The following AAK1 variants were observed in gnomAD, a reference collection of about 807,000 sequenced individuals.
AAK1 encodes the protein AP2 associated kinase 1, also known as AP2-associated protein kinase 1.
A neutral mutation model predicts 116.0 loss-of-function variants in AAK1; 37 were observed. The observed-to-expected ratio is 0.32, with a 90% CI of 0.25 to 0.42. The LOEUF (loss-of-function observed/expected upper bound fraction) is 0.42. Among genes scored for constraint, AAK1 ranks in the 10% least tolerant of loss-of-function variants. The pLI is 1.00. For synonymous variants in AAK1, 458 were observed against 439.9 expected (o/e 1.04, Z -0.51); for missense variants, 919 against 1,170.6 (o/e 0.79, Z 3.14).
rs1676308245 is a variant in AAK1 at position 69,509,452 on chromosome 2, G to A, written c.1785C>T (p.Ala595=). 4 of 1,613,356 alleles carry A rather than the reference G, an allele frequency of 2.5e-6. No individual in the cohort carries two copies. In the East Asian group the frequency reaches 8.9e-5, roughly 36 times the overall value. ...GAACCTTTGGCTGTTGTCTTACTGG[G>A]GCTTGAATCTGCTAGGAAGAGAGAC... ...PAPAQEPAIQ[A]PVRQQPKVQT... Residue 595 remains alanine (A), a synonymous_variant, in exon 14 of 22, where the codon GCC becomes GCT. Transcript: ENST00000409085.
chr2:69,555,975 A>AT (rs1232906077), intron 3 of AAK1, among the ~76,000 whole-genome samples: 1 of 152,078 alleles, frequency 6.6e-6, no homozygotes, highest in Non-Finnish European at 1.5e-5. Context: ...GACCAATCTT[A>AT]TTTATCTTCT....
intron 13 of AAK1, among the ~76,000 whole-genome samples, chr2:69,512,181 A>G (rs912319409): frequency 6.6e-5 from 10 of 152,222 alleles, no homozygotes; most frequent in Non-Finnish European, 1.5e-4. Flanking sequence ...AAAAAGACTC[A>G]GATGTCTATT....
intron 16 of AAK1, among the ~76,000 whole-genome samples, chr2:69,502,350 G>A (rs1181915263): frequency 2.0e-5 from 3 of 151,298 alleles, no homozygotes; most frequent in Non-Finnish European, 4.4e-5. Context: ...GGCTGGGTGC[G>A]GTGGCTCACG....
intron 18 of AAK1, chr2:69,482,438 C>T (rs2104897562): frequency 3.4e-6 from 2 of 591,618 alleles, no homozygotes; most frequent in South Asian, 2.3e-5. Context: ...TTTTAAAGTT[C>T]TTCTAACTAA....
Position 69,465,885 on chromosome 2 carries a change from G to A in AAK1, c.*9984C>T, listed in dbSNP as rs754413422. 7.7e-7 allele frequency: 1 copy of A among 1,290,852 alleles called. No homozygotes were observed. Among genetic ancestry groups the A allele is most frequent in the East Asian group, 5.6e-5 (1 of 18,002 alleles). The allele number at this position is 1,290,852 out of a possible 1,614,324, so 80.0% of individuals were successfully genotyped here. A position where few individuals can be genotyped will look rare whatever the true frequency, so the allele number is the denominator to read the frequency against. ...AGCTCTCTCACGGCCCGCGGGCAGGGGGACATCACCTGTCTGACTGAGGAG... is the reference window on the plus strand; with the variant it reads ...AGCTCTCTCACGGCCCGCGGGCAGGAGGACATCACCTGTCTGACTGAGGAG... On this transcript the variant is annotated 3_prime_UTR_variant, in exon 22 of 22. Transcript: ENST00000409085.
intron 17 of AAK1, among the ~76,000 whole-genome samples, chr2:69,494,595 GAGGAAAAGACA>G (rs1558908224): frequency 6.6e-6 from 1 of 152,138 alleles, no homozygotes; most frequent in African/African-American, 2.4e-5. Flanking sequence ...CCAAAACAGG[GAGGAAAAGACA>G]GTGAGCCCCA....
At position 69,623,144 on chromosome 2, in the gene AAK1, G is replaced by A. The variant is rs533059797; in HGVS notation, c.163+19734C>T. On this transcript the variant is annotated intron_variant, in intron 2 of 21. Transcript: ENST00000409085. The stretch of plus-strand genomic sequence containing the variant: ...GCTGTAACACTCACCGCAAAGGTCT[G>A]CAGCTTCACTCCTGAGCTAGCGAGA... Among the ~76,000 whole-genome samples the A allele has an allele frequency of 2.0e-5, 3 of 152,232 alleles. No individual in the cohort carries two copies. The East Asian group carries it at 5.8e-4, about 29-fold the overall frequency.
At chr2:69,489,637 T>C (rs1346306198) in intron 17 of AAK1, among the ~76,000 whole-genome samples, 1 of 152,162 alleles carries the variant, frequency 6.6e-6, no homozygotes, top group African/African-American at 2.4e-5. Flanking sequence ...TCCAGCCTTG[T>C]GGCTTTGGAA....
chr2:69,590,657 T>G (rs973754063), intron 2 of AAK1, among the ~76,000 whole-genome samples: 10 of 152,250 alleles, frequency 6.6e-5, no homozygotes, highest in African/African-American at 2.2e-4. Flanking sequence ...ATTTGCACAA[T>G]TTCTCTAGTT....
chr2:69,550,339 T>C (rs1025314476), intron 3 of AAK1, among the ~76,000 whole-genome samples: 9 of 152,166 alleles, frequency 5.9e-5, no homozygotes, highest in African/African-American at 2.2e-4. Context: ...GGTATTTTGC[T>C]CTGTCACCAG....
chr2:69,549,569 C>T (rs995374844), intron 3 of AAK1, among the ~76,000 whole-genome samples: 6 of 152,150 alleles, frequency 3.9e-5, no homozygotes, highest in Admixed American at 1.3e-4. Context: ...TGAAATACTC[C>T]AGGCTTGGTC....
At chr2:69,588,410 C>T (rs149717208) in intron 2 of AAK1, among the ~76,000 whole-genome samples, 33 of 152,326 alleles carry the variant, frequency 2.2e-4, no homozygotes, top group Non-Finnish European at 8.8e-5. Flanking sequence ...GTATTTGTCA[C>T]GGACATCAGT....
chr2:69,487,787 CTTTTTTTTTTT>C (rs1177565486), intron 17 of AAK1, among the ~76,000 whole-genome samples: 1 of 122,802 alleles, frequency 8.1e-6, no homozygotes, highest in Non-Finnish European at 1.8e-5. Context: ...TGTTTGTTTG[CTTTTTTTTTTT>C]TTTTTTTTGA....
intron 18 of AAK1, chr2:69,482,436 T>G: frequency 1.7e-6 from 1 of 599,168 alleles, no homozygotes; most frequent in South Asian, 2.2e-5. Flanking sequence ...TTTTTTAAAG[T>G]TCTTCTAACT....
chr2:69,476,971 GAGATTACTATCTTCTGCAGCTT>G lies in AAK1; in HGVS notation c.2681-3_2699del. ...CCTCAGGGACATCAAAACCTGAGAT[GAGATTACTATCTTCTGCAGCTT>G]AATACAGAATGCAAGTACACAAGCA... is the stretch of plus-strand genomic sequence containing the variant. On this transcript the variant is annotated splice_acceptor_variant and splice_polypyrimidine_tract_variant and coding_sequence_variant and intron_variant, in exon 21 of 22. Transcript: ENST00000409085. LOFTEE classifies it high-confidence loss of function. The G allele has an allele frequency of 6.2e-7, 1 of 1,612,306 alleles. No homozygotes were observed.
At chr2:69,508,710 G>A (rs928112163) in intron 14 of AAK1, among the ~76,000 whole-genome samples, 1 of 152,228 alleles carries the variant, frequency 6.6e-6, no homozygotes, top group African/African-American at 2.4e-5. Flanking sequence ...CATGGATCTT[G>A]ATGAATAAAT....
At chr2:69,505,054 C>T (rs1676126182) in intron 16 of AAK1, among the ~76,000 whole-genome samples, 1 of 152,014 alleles carries the variant, frequency 6.6e-6, no homozygotes, top group Non-Finnish European at 1.5e-5. Flanking sequence ...TTAAAAAAAC[C>T]TCCCTCCTTT....
At chr2:69,585,297 A>G (rs1672717674) in intron 2 of AAK1, among the ~76,000 whole-genome samples, 1 of 152,172 alleles carries the variant, frequency 6.6e-6, no homozygotes, top group African/African-American at 2.4e-5. Flanking sequence ...CCTGGCTTCA[A>G]GCAATCCTCC....
At position 69,472,554 on chromosome 2, in the gene AAK1, T is replaced by C. The variant is rs1367204659; in HGVS notation, c.*3315A>G. 1.1e-6 allele frequency: 1 copy of C among 909,264 alleles called. No homozygotes were observed. The highest frequency in any genetic ancestry group is 1.3e-6 in the Non-Finnish European group (1 of 760,682). The allele number at this position is 909,264 out of a possible 1,614,324, so 56.3% of individuals were successfully genotyped here. On this transcript the variant is annotated 3_prime_UTR_variant, in exon 22 of 22. Transcript: ENST00000409085. ...TCTGATATGTCTGCTAAAGAAATCATTAATTATAATAATTATAATCATACT... is the reference window on the plus strand; with the variant it reads ...TCTGATATGTCTGCTAAAGAAATCACTAATTATAATAATTATAATCATACT...
Sources: allele counts gnomAD v4.1 joint callset (sites outside exome capture counted in the v4.1 genomes callset), GRCh38; gene constraint gnomAD v4.1.1; transcripts MANE v1.5; gene names NCBI Gene and HGNC (gene_info 2026-07-23, HGNC 2026-07-21).